SGCZ: variants seen among roughly 807,000 people sequenced by gnomAD.
SGCZ encodes the protein zeta-sarcoglycan.
A neutral mutation model predicts 41.3 loss-of-function variants in SGCZ; 40 were observed. The observed-to-expected ratio is 0.97, with a 90% CI of 0.75 to 1.26. The LOEUF is 1.26. SGCZ is among the 50% of genes most tolerant of loss of function. The probability of loss-of-function intolerance (pLI) is 0.00; values close to 1 mark genes in which losing one functional copy is unlikely to be tolerated. For synonymous variants in SGCZ, 206 were observed against 137.5 expected (o/e 1.50, Z -3.49); for missense variants, 552 against 369.8 (o/e 1.49, Z -4.04).
At chr8:14,432,382 C>A (rs1799967235) in intron 2 of SGCZ, among the ~76,000 whole-genome samples, 1 of 152,142 alleles carries the variant, frequency 6.6e-6, no homozygotes, top group Admixed American at 6.5e-5. Flanking sequence ...TTTGCAGTGA[C>A]CTCGATGAGA....
At chr8:14,740,583 C>G (rs1168830386) in intron 1 of SGCZ, among the ~76,000 whole-genome samples, 1 of 152,028 alleles carries the variant, frequency 6.6e-6, no homozygotes, top group South Asian at 2.1e-4. Context: ...CAGTGTGGAA[C>G]TGCACTAATT....
chr8:14,883,773 G>GTTT (rs1168120518), intron 1 of SGCZ, among the ~76,000 whole-genome samples: 1 of 103,492 alleles, frequency 9.7e-6, no homozygotes, highest in African/African-American at 4.0e-5. Flanking sequence ...CTGGCATCCT[G>GTTT]TTGTTTTTTT....
intron 1 of SGCZ, among the ~76,000 whole-genome samples, chr8:14,784,929 T>TATA (rs1800714401): frequency 1.1e-5 from 1 of 91,076 alleles, no homozygotes; most frequent in Admixed American, 1.4e-4. Flanking sequence ...TATATATATA[T>TATA]ATATAAAATA....
intron 1 of SGCZ, among the ~76,000 whole-genome samples, chr8:15,066,249 C>A (rs369672860): frequency 6.0e-4 from 89 of 149,512 alleles, no homozygotes; most frequent in African/African-American, 1.5e-3. Flanking sequence ...CGGAGCTTGC[C>A]GTGAGCCGAG....
At chr8:14,515,577 T>G (rs970836028) in intron 2 of SGCZ, among the ~76,000 whole-genome samples, 6 of 151,930 alleles carry the variant, frequency 3.9e-5, no homozygotes, top group African/African-American at 1.5e-4. Context: ...TACTTTTTAG[T>G]TTATTTATAA....
intron 1 of SGCZ, among the ~76,000 whole-genome samples, chr8:14,749,414 G>A (rs549456710): frequency 6.6e-6 from 1 of 152,188 alleles, no homozygotes; most frequent in African/African-American, 2.4e-5. Context: ...ACTGATGTGT[G>A]TGGGGATGCG....
chr8:14,540,610 T>A (rs1803436417), intron 2 of SGCZ, among the ~76,000 whole-genome samples: 1 of 151,974 alleles, frequency 6.6e-6, no homozygotes, highest in East Asian at 1.9e-4. Context: ...TGTATGCAAC[T>A]TGATCACATT....
chr8:15,094,410 C>G (rs1371944515), intron 1 of SGCZ, among the ~76,000 whole-genome samples: 1 of 152,146 alleles, frequency 6.6e-6, no homozygotes, highest in Non-Finnish European at 1.5e-5. Context: ...GCTGGAGTTA[C>G]AGGCATGAGC....
At chr8:15,151,548 C>G (rs1799180482) in intron 1 of SGCZ, among the ~76,000 whole-genome samples, 1 of 152,120 alleles carries the variant, frequency 6.6e-6, no homozygotes, top group Non-Finnish European at 1.5e-5. Flanking sequence ...TTTTAGTCCT[C>G]TCTGAATAAA....
chr8:14,687,963 T>TC (rs1425195737), intron 1 of SGCZ, among the ~76,000 whole-genome samples: 3 of 152,228 alleles, frequency 2.0e-5, no homozygotes, highest in Non-Finnish European at 2.9e-5. Context: ...GAGCATTTTT[T>TC]CATGTGTTTT....
intron 1 of SGCZ, among the ~76,000 whole-genome samples, chr8:14,826,170 G>C (rs1802304589): frequency 2.0e-5 from 3 of 146,376 alleles, no homozygotes; most frequent in Non-Finnish European, 3.0e-5. Flanking sequence ...ACCTATGAGT[G>C]AGAACATGCA....
intron 5 of SGCZ, among the ~76,000 whole-genome samples, chr8:14,122,729 T>G (rs998781724): frequency 6.6e-6 from 1 of 152,198 alleles, no homozygotes; most frequent in Non-Finnish European, 1.5e-5. Context: ...TGTGGTCAAC[T>G]CATTTCTTCT....
intron 1 of SGCZ, among the ~76,000 whole-genome samples, chr8:15,087,274 G>C (rs953750997): frequency 2.0e-5 from 3 of 152,062 alleles, no homozygotes; most frequent in African/African-American, 4.8e-5. Context: ...TTTGCATTAA[G>C]AGGCTCAGGA....
At chr8:14,607,162 G>C (rs1057320329) in intron 1 of SGCZ, among the ~76,000 whole-genome samples, 2 of 151,972 alleles carry the variant, frequency 1.3e-5, no homozygotes, top group African/African-American at 4.8e-5. Context: ...TCTGAAGATT[G>C]AACAAAACCA....
At chr8:14,136,587 G>A (rs1005586903) in intron 5 of SGCZ, among the ~76,000 whole-genome samples, 16 of 152,298 alleles carry the variant, frequency 1.1e-4, no homozygotes, top group Non-Finnish European at 1.5e-4. Flanking sequence ...AGGTGGCAGC[G>A]AGGCTGGGGG....
At chr8:14,909,272 C>T (rs780154706) in intron 1 of SGCZ, among the ~76,000 whole-genome samples, 4 of 152,106 alleles carry the variant, frequency 2.6e-5, no homozygotes, top group African/African-American at 7.2e-5. Flanking sequence ...GTGAAGCTAT[C>T]GAAAAATCCT....
chr8:14,490,369 T>C (rs888346061), intron 2 of SGCZ, among the ~76,000 whole-genome samples: 1 of 152,206 alleles, frequency 6.6e-6, no homozygotes, highest in Non-Finnish European at 1.5e-5. Context: ...ATAGTGTAAG[T>C]TATTGTAAGA....
chr8:15,172,064 A>G (rs1165787616), intron 1 of SGCZ, among the ~76,000 whole-genome samples: 1 of 152,198 alleles, frequency 6.6e-6, no homozygotes, highest in Non-Finnish European at 1.5e-5. Context: ...TTTCTACACA[A>G]AACAAATAAC....
At chr8:14,209,288 A>C (rs567163345) in intron 4 of SGCZ, among the ~76,000 whole-genome samples, 42 of 152,210 alleles carry the variant, frequency 2.8e-4, no homozygotes, top group African/African-American at 9.9e-4. Context: ...GGTGGGCCAG[A>C]ATTCTTATTC....
Sources: allele counts gnomAD v4.1 joint callset (sites outside exome capture counted in the v4.1 genomes callset), GRCh38; gene constraint gnomAD v4.1.1; transcripts MANE v1.5; gene names NCBI Gene and HGNC (gene_info 2026-07-23, HGNC 2026-07-21).